KIAA1217: variants seen among roughly 807,000 people sequenced by gnomAD.
The protein encoded by KIAA1217 is KIAA1217, also known as sickle tail protein homolog.
KIAA1217 carries 88 observed loss-of-function variants against 163.9 expected under a neutral mutation model. The ratio of observed to expected loss-of-function variants is 0.54; its 90% CI spans 0.45 to 0.64. The LOEUF is 0.64. Among genes scored for constraint, KIAA1217 ranks in the 30% least tolerant of loss-of-function variants. KIAA1217 has a pLI of 0.00. For missense variants in KIAA1217, 2,372 were observed against 2,475.0 expected, an observed-to-expected ratio of 0.96 and a Z score of 0.88; for synonymous variants, 903 against 923.1, an observed-to-expected ratio of 0.98 and a Z score of 0.39.
intron 1 of KIAA1217, among the ~76,000 whole-genome samples, chr10:23,804,355 G>T (rs1836635750): frequency 6.6e-6 from 1 of 152,206 alleles, no homozygotes; most frequent in Non-Finnish European, 1.5e-5. Flanking sequence ...CTTGCTTTGT[G>T]TAGAGGTGAG....
At chr10:23,798,853 G>A (rs986160304) in intron 1 of KIAA1217, among the ~76,000 whole-genome samples, 2 of 152,204 alleles carry the variant, frequency 1.3e-5, no homozygotes, top group East Asian at 3.8e-4. Context: ...TGGTGCCAGA[G>A]AGAAAAGAGC....
chr10:23,710,665 CAGTT>C (rs776829327), intron 1 of KIAA1217, among the ~76,000 whole-genome samples: 8 of 152,212 alleles, frequency 5.3e-5, no homozygotes, highest in Non-Finnish European at 8.8e-5. Flanking sequence ...ATTTTGGAGA[CAGTT>C]CAAGTTGTGT....
chr10:24,084,781 C>T (rs2061641155), intron 2 of KIAA1217, among the ~76,000 whole-genome samples: 1 of 152,160 alleles, frequency 6.6e-6, no homozygotes, highest in Admixed American at 6.5e-5. Flanking sequence ...AGCAAAGCCC[C>T]TCTGCCTTCC....
At chr10:24,508,891 C>T (rs1341508089) in intron 9 of KIAA1217, among the ~76,000 whole-genome samples, 1 of 152,058 alleles carries the variant, frequency 6.6e-6, no homozygotes, top group East Asian at 1.9e-4. Context: ...TTTCTTTGGG[C>T]TGGGGCTTGG....
chr10:24,215,171 C>T (rs2068654795), intron 1 of KIAA1217, among the ~76,000 whole-genome samples: 1 of 152,164 alleles, frequency 6.6e-6, no homozygotes, highest in East Asian at 1.9e-4. Flanking sequence ...TTCTGCCTGC[C>T]TTGTCCTCAC....
At chr10:23,749,119 A>G (rs1007154522) in intron 1 of KIAA1217, among the ~76,000 whole-genome samples, 4 of 152,062 alleles carry the variant, frequency 2.6e-5, no homozygotes, top group African/African-American at 4.8e-5. Flanking sequence ...ACTGACTTCA[A>G]TTCCTCACCA....
chr10:24,350,699 C>G (rs886740149), intron 2 of KIAA1217, among the ~76,000 whole-genome samples: 1 of 152,024 alleles, frequency 6.6e-6, no homozygotes, highest in African/African-American at 2.4e-5. Context: ...ACAGGATATG[C>G]CTTTCCTCTG....
rs190142726 is a variant in KIAA1217, at chr10:23,708,560, G to T, written c.-321+13326G>T. 2.6e-5 allele frequency among the ~76,000 whole-genome samples: 4 copies of T among 152,254 alleles called. No homozygotes were observed. The East Asian group carries it at 7.8e-4, about 30-fold the overall frequency. On this transcript the variant is annotated intron_variant, in intron 1 of 18. Coordinates refer to the KIAA1217 transcript ENST00000376462. ...TCCCCAAGCTGAGCTCTGAAGGACA[G>T]GAAGAGAGAGGGCAAGATGCCAAGT...
chr10:24,376,237 T>A (rs927972947), intron 2 of KIAA1217, among the ~76,000 whole-genome samples: 3 of 152,246 alleles, frequency 2.0e-5, no homozygotes, highest in Admixed American at 2.0e-4. Flanking sequence ...TGCTATAGGA[T>A]AAATAATTCG....
intron 2 of KIAA1217, among the ~76,000 whole-genome samples, chr10:24,110,154 T>C (rs1164607573): frequency 6.6e-6 from 1 of 152,228 alleles, no homozygotes; most frequent in Non-Finnish European, 1.5e-5. Flanking sequence ...AAAATGGTGG[T>C]TCCTAATTCA....
intron 2 of KIAA1217, among the ~76,000 whole-genome samples, chr10:24,319,258 C>A (rs558931218): frequency 2.0e-5 from 3 of 151,806 alleles, no homozygotes; most frequent in Admixed American, 1.3e-4. Context: ...CATGTCTAAT[C>A]CCAGCTACTC....
intron 2 of KIAA1217, among the ~76,000 whole-genome samples, chr10:24,134,050 A>G (rs998840099): frequency 8.5e-5 from 13 of 152,192 alleles, no homozygotes; most frequent in Non-Finnish European, 1.9e-4. Flanking sequence ...GAATTCTGGG[A>G]AAGTGCTCCA....
chr10:24,450,348 T>TA (rs1354156238), intron 5 of KIAA1217, among the ~76,000 whole-genome samples: 3 of 152,230 alleles, frequency 2.0e-5, no homozygotes, highest in African/African-American at 7.2e-5. Flanking sequence ...GAAATCACAT[T>TA]AAAAACTTCT....
At chr10:23,858,845 A>G (rs115889707) in intron 1 of KIAA1217, among the ~76,000 whole-genome samples, 2 of 152,102 alleles carry the variant, frequency 1.3e-5, no homozygotes, top group Non-Finnish European at 2.9e-5. Flanking sequence ...CATAGTAGAA[A>G]ACTCTCCATC....
intron 5 of KIAA1217, among the ~76,000 whole-genome samples, chr10:24,441,345 G>A (rs2060482189): frequency 6.6e-6 from 1 of 151,984 alleles, no homozygotes; most frequent in South Asian, 2.1e-4. Context: ...ATAAGCAGAG[G>A]GGCAACAAAA....
At chr10:24,372,670 G>C (rs1353554822) in intron 2 of KIAA1217, among the ~76,000 whole-genome samples, 1 of 152,062 alleles carries the variant, frequency 6.6e-6, no homozygotes, top group Non-Finnish European at 1.5e-5. Flanking sequence ...TAAAAAGAAT[G>C]TTACCCGTAA....
intron 1 of KIAA1217, among the ~76,000 whole-genome samples, chr10:23,918,872 A>G (rs1842733339): frequency 6.6e-6 from 1 of 152,150 alleles, no homozygotes; most frequent in Admixed American, 6.6e-5. Context: ...TTGCACCTCC[A>G]GGGCTGCTAC....
chr10:24,026,793 T>C (rs1237189668), intron 2 of KIAA1217, among the ~76,000 whole-genome samples: 1 of 150,822 alleles, frequency 6.6e-6, no homozygotes, highest in Non-Finnish European at 1.5e-5. Context: ...CTTCTGCTTA[T>C]TTTAGATTTA....
At chr10:24,034,382 A>G (rs1047584038) in intron 2 of KIAA1217, among the ~76,000 whole-genome samples, 2 of 152,016 alleles carry the variant, frequency 1.3e-5, no homozygotes, top group African/African-American at 4.8e-5. Flanking sequence ...CAACATGGCA[A>G]AATCCCAACT....
Sources: gnomAD v4.1 joint callset for allele counts (sites outside exome capture counted in the v4.1 genomes callset) on GRCh38, gnomAD v4.1.1 for gene constraint, MANE v1.5 for transcripts, NCBI Gene and HGNC (gene_info 2026-07-23, HGNC 2026-07-21) for gene names.